Variants in CAGE1 observed in about 807,000 individuals in gnomAD.
CAGE1 encodes the protein cancer-associated gene 1 protein.
Under a neutral mutation model 94.9 loss-of-function variants are expected in CAGE1, and 66 were observed. The observed-to-expected ratio is 0.70, with a 90% confidence interval of 0.57 to 0.85. CAGE1 has a LOEUF of 0.85. Among genes scored for constraint, CAGE1 ranks in the 40% least tolerant of loss-of-function variants. The pLI is 0.00. For synonymous variants in CAGE1, 319 were observed against 321.0 expected, an observed-to-expected ratio of 0.99 and a Z score of 0.07; for missense variants, 865 against 950.4, an observed-to-expected ratio of 0.91 and a Z score of 1.18.
intron 9 of CAGE1, among the ~76,000 whole-genome samples, chr6:7,358,065 T>TATATATATATATATATATATATAC (rs1257084432): frequency 8.8e-6 from 1 of 114,084 alleles, no homozygotes; most frequent in African/African-American, 3.7e-5. Flanking sequence ...TATATATATA[T>TATATATATATATATATATATATAC]ATATATGCCT....
At chr6:7,341,165 C>A in intron 11 of CAGE1, 1 of 582,454 alleles carries the variant, frequency 1.7e-6, no homozygotes, top group Non-Finnish European at 3.3e-6. Context: ...GGCAGGTACA[C>A]TTTGTCAATC....
At position 7,373,414 on chromosome 6, in the gene CAGE1, C is replaced by T; in HGVS notation, c.1405G>A (p.Ala469Thr). Residue 469 changes from alanine (A) to threonine (T), a missense_variant, in exon 5 of 14, where the codon GCT (alanine) becomes ACT (threonine). Transcript: ENST00000502583. The stretch of plus-strand genomic sequence containing the variant: ...TTTTCCCGTTTCAACAAGTCCAAAG[C>T]AGAAGCTGTGGCCTTTTCCAGTTCT... ...KKELEKATAS[A>T]LDLLKREKEA... 3 of 1,613,862 alleles carry T rather than the reference C, an allele frequency of 1.9e-6. No individual in the cohort carries two copies. Among genetic ancestry groups the T allele is most frequent in the Non-Finnish European group, 2.5e-6 (3 of 1,179,850 alleles).
chr6:7,367,977 G>A (rs940194249), intron 7 of CAGE1, among the ~76,000 whole-genome samples: 21 of 152,108 alleles, frequency 1.4e-4, no homozygotes, highest in African/African-American at 4.6e-4. Flanking sequence ...GCTCACGCCC[G>A]TAATCCCAAC....
chr6:7,356,030 T>A lies in CAGE1; in HGVS notation c.2293A>T (p.Lys765Ter), dbSNP rs551603068. 6.6e-7 allele frequency: 1 copy of A among 1,523,850 alleles called. No individual in the cohort carries two copies. Among genetic ancestry groups the A allele is most frequent in the African/African-American group, 1.4e-5 (1 of 72,526 alleles). The allele number at this position is 1,523,850 out of a possible 1,614,324, so 94.4% of individuals were successfully genotyped here. The change falls in exon 10 of 14, where the codon AAG (lysine) becomes TAG (stop). Residue 765 changes from lysine (K) to a stop codon, truncating the protein, a stop_gained. Transcript: ENST00000502583. LOFTEE classifies it high-confidence loss of function. ...AAAGAAAAAAAAATGTCTACCTTCTTTATTAAGTTGCCTAAATGTCTTTGA... is the reference window on the plus strand; with the variant it reads ...AAAGAAAAAAAAATGTCTACCTTCTATATTAAGTTGCCTAAATGTCTTTGA... ...KYQRHLGNLI[K>*]KVTSYEEIIE...
At chr6:7,384,719 CTT>C (rs576124256) in intron 3 of CAGE1, among the ~76,000 whole-genome samples, 3 of 146,444 alleles carry the variant, frequency 2.0e-5, no homozygotes. Context: ...ACACAGCTCT[CTT>C]TTTTTTTTTT....
intron 11 of CAGE1, chr6:7,341,356 T>C (rs1230913841): frequency 1.3e-6 from 1 of 740,750 alleles, no homozygotes; most frequent in African/African-American, 1.7e-5. Context: ...TGGGTCCTGT[T>C]GTGATCAGGC....
intron 4 of CAGE1, among the ~76,000 whole-genome samples, chr6:7,374,892 T>C (rs978917215): frequency 1.3e-5 from 2 of 151,880 alleles, no homozygotes; most frequent in African/African-American, 4.8e-5. Context: ...TAGCCAGGCA[T>C]GGTAGCACAT....
intron 11 of CAGE1, chr6:7,341,739 G>T (rs375337457): frequency 5.8e-6 from 4 of 691,456 alleles, no homozygotes; most frequent in African/African-American, 5.3e-5. Context: ...GGAAGGCCTC[G>T]CTTGGATCAC....
intron 3 of CAGE1, among the ~76,000 whole-genome samples, chr6:7,380,324 G>T (rs947053352): frequency 7.2e-5 from 11 of 152,168 alleles, no homozygotes; most frequent in African/African-American, 2.6e-4. Flanking sequence ...TACATAAATA[G>T]CATCTCACTC....
Position 7,345,422 on chromosome 6 carries a change from C to T in CAGE1, c.2369+9619G>A, listed in dbSNP as rs77912008. The stretch of plus-strand genomic sequence containing the variant: ...ATCTTAAGAGCTGTAACCCTCACTG[C>T]AGGGGTCTGTGGTTTCATTCTTGAA... On this transcript the variant is annotated intron_variant, in intron 11 of 13. Transcript: ENST00000502583. Among the ~76,000 whole-genome samples the T allele has an allele frequency of 6.8e-4, 103 of 152,276 alleles. 1 individual carries two copies. In the East Asian group the frequency reaches 0.015, roughly 22 times the overall value.
chr6:7,341,419 A>T, intron 11 of CAGE1: 1 of 930,872 alleles, frequency 1.1e-6, no homozygotes, highest in Non-Finnish European at 1.7e-6. Flanking sequence ...TCAAAAACAC[A>T]GATAGCATGT....
chr6:7,345,619 C>A (rs1047589112), intron 11 of CAGE1, among the ~76,000 whole-genome samples: 1 of 152,190 alleles, frequency 6.6e-6, no homozygotes, highest in African/African-American at 2.4e-5. Context: ...TTTCTAACGT[C>A]TAAGGCCTGT....
intron 12 of CAGE1, among the ~76,000 whole-genome samples, chr6:7,332,944 C>CT (rs549891147): frequency 8.7e-5 from 13 of 149,672 alleles, no homozygotes; most frequent in Admixed American, 3.3e-4. Flanking sequence ...CTGCTGTGTT[C>CT]TTTTTTTTTT....
At chr6:7,387,957 C>T (rs1445145834) in intron 1 of CAGE1, among the ~76,000 whole-genome samples, 2 of 150,298 alleles carry the variant, frequency 1.3e-5, no homozygotes, top group Non-Finnish European at 3.0e-5. Flanking sequence ...TGGCGTGAAC[C>T]CCGGAGGCAG....
At chr6:7,361,730 G>A (rs1300823904) in intron 9 of CAGE1, among the ~76,000 whole-genome samples, 1 of 152,184 alleles carries the variant, frequency 6.6e-6, no homozygotes, top group African/African-American at 2.4e-5. Context: ...AACTAGGAAG[G>A]TGAGGGATAG....
rs553453452 is a variant in CAGE1 at position 7,345,464 on chromosome 6, C to T, written c.2369+9577G>A. 7.2e-5 allele frequency among the ~76,000 whole-genome samples: 11 copies of T among 152,214 alleles called. No individual in the cohort carries two copies. The South Asian group carries it at 1.5e-3, about 20-fold the overall frequency. ...ATTCTTGAAGTGAGACCAAGTAGCC[C>T]AAGTCCAGACACAAAATGGCATACT... is the stretch of plus-strand genomic sequence containing the variant. On this transcript the variant is annotated intron_variant, in intron 11 of 13. Coordinates refer to ENST00000502583, the MANE Select transcript of CAGE1 (RefSeq NM_001170692.2).
intron 11 of CAGE1, among the ~76,000 whole-genome samples, chr6:7,337,471 GTTC>G (rs1226455628): frequency 6.6e-6 from 1 of 151,962 alleles, no homozygotes; most frequent in Non-Finnish European, 1.5e-5. Flanking sequence ...TCTCATATGT[GTTC>G]TTCTAGATAT....
At chr6:7,341,295 C>G in intron 11 of CAGE1, 1 of 668,840 alleles carries the variant, frequency 1.5e-6, no homozygotes, top group South Asian at 1.5e-5. Flanking sequence ...AAACAGAGTA[C>G]CAAAGAGGAA....
At chr6:7,352,469 CA>C (rs1759818709) in intron 11 of CAGE1, among the ~76,000 whole-genome samples, 1 of 152,048 alleles carries the variant, frequency 6.6e-6, no homozygotes, top group African/African-American at 2.4e-5. Flanking sequence ...ACCATACTGC[CA>C]AAAGCAATCT....
Sources: gnomAD v4.1 joint callset for allele counts (sites outside exome capture counted in the v4.1 genomes callset) on GRCh38, gnomAD v4.1.1 for gene constraint, MANE v1.5 for transcripts, NCBI Gene and HGNC (gene_info 2026-07-23, HGNC 2026-07-21) for gene names.